The following GSG1L2 variants were observed in gnomAD, a reference collection of about 807,000 sequenced individuals.
The protein encoded by GSG1L2 is GSG1 like 2.
Under a neutral mutation model 9.0 loss-of-function variants are expected in GSG1L2, and 15 were observed. That is an observed-to-expected ratio of 1.67 (90% CI 1.12 to 2.57). The LOEUF is 2.57. Among genes scored for constraint, GSG1L2 ranks in the 30% most tolerant of loss-of-function variants. The pLI, the probability that GSG1L2 is intolerant of heterozygous loss-of-function variation, is 0.00. For synonymous variants in GSG1L2, 127 were observed against 57.9 expected (o/e 2.19, Z -5.41); for missense variants, 286 against 150.3 (o/e 1.90, Z -4.72).
chr17:9,816,471 CGT>C (rs1317683240), intron 1 of GSG1L2, among the ~76,000 whole-genome samples: 1 of 71,852 alleles, frequency 1.4e-5, no homozygotes, highest in Admixed American at 1.8e-4. Flanking sequence ...CGTCCGTGTG[CGT>C]GTCTGTGTGT....
rs73256735 is a variant in GSG1L2, at chr17:9,801,969, A to G, written c.*417T>C. 0.022 allele frequency among the ~76,000 whole-genome samples: 3,378 copies of G among 152,332 alleles called. 110 individuals are homozygous for G. Among genetic ancestry groups the G allele is most frequent in the African/African-American group, 0.064 (2,664 of 41,556 alleles). On this transcript the variant is annotated 3_prime_UTR_variant, in exon 5 of 5. Coordinates refer to ENST00000399363, the MANE Select transcript of GSG1L2 (RefSeq NM_001310219.2). The stretch of plus-strand genomic sequence containing the variant: ...TATTGTGTGTGTCAATTAGGAGAAA[A>G]CATTTTCTGGATTTTTCTGTCAACA...
chr17:9,808,720 T>C (rs1459282995), intron 3 of GSG1L2, 110 bp downstream of exon 3: 3 of 616,856 alleles, frequency 4.9e-6, no homozygotes, highest in South Asian at 1.9e-5. Flanking sequence ...CCTGCTTAAA[T>C]GGCCATTGAT....
At chr17:9,816,359 T>A (rs544118146) in intron 1 of GSG1L2, among the ~76,000 whole-genome samples, 1 of 108,412 alleles carries the variant, frequency 9.2e-6, no homozygotes, top group African/African-American at 3.4e-5. Flanking sequence ...CGTGCACGCG[T>A]ATGCGTGTGT....
At position 9,808,923 on chromosome 17, in the gene GSG1L2, C is replaced by A. The variant is rs1380973516; in HGVS notation, c.418G>T (p.Ala140Ser). The part of the protein sequence containing the change: ...VLDIVLILTS[A>S]ILLGSRVSCR... Reference sequence around the variant, plus strand: ...CTCACTCTGGAGCCCAGGAGGATGGCGCTTGTCAGTATCAGAACGATATCC... The same window carrying A: ...CTCACTCTGGAGCCCAGGAGGATGGAGCTTGTCAGTATCAGAACGATATCC... Residue 140 changes from alanine to serine, a missense_variant, in exon 3 of 5, where the codon GCC becomes TCC. Physicochemically the swap from Ala to Ser is moderately conservative, Grantham distance 99. Coordinates refer to ENST00000399363, the MANE Select transcript of GSG1L2 (RefSeq NM_001310219.2). 7.1e-6 allele frequency: 5 copies of A among 702,854 alleles called. No individual in the cohort carries two copies. Among genetic ancestry groups the A allele is most frequent in the Non-Finnish European group, 1.3e-5 (5 of 385,020 alleles). 43.5% of individuals were successfully genotyped at this position (702,854 alleles called of 1,614,324 possible).
chr17:9,806,888 C>A (rs2066518052), intron 4 of GSG1L2, among the ~76,000 whole-genome samples: 1 of 152,184 alleles, frequency 6.6e-6, no homozygotes, highest in African/African-American at 2.4e-5. Context: ...CATGCGTTCA[C>A]TGAATCCTAG....
intron 1 of GSG1L2, among the ~76,000 whole-genome samples, chr17:9,817,477 T>G (rs924735251): frequency 6.7e-6 from 1 of 148,618 alleles, no homozygotes; most frequent in South Asian, 2.1e-4. Flanking sequence ...CAGGCTGGAG[T>G]ACAGTGGTGC....
In GSG1L2 at chr17:9,802,559, C is replaced by T. The variant is rs973597034; in HGVS notation, c.709G>A (p.Glu237Lys). 8.5e-6 allele frequency: 6 copies of T among 702,740 alleles called. No homozygotes were observed. Among genetic ancestry groups the T allele is most frequent in the African/African-American group, 5.2e-5 (3 of 57,202 alleles). The allele number at this position is 702,740 out of a possible 1,614,324, so 43.5% of individuals were successfully genotyped here. ...RFTAARLEFTEKQQAQNGSRH... is the reference protein window; with the variant it reads ...RFTAARLEFTKKQQAQNGSRH... ...CTGCCGTTCTGTGCCTGCTGCTTCTCGGTGAATTCCAGGCGGGCTGCCGTG... is the reference window on the plus strand; with the variant it reads ...CTGCCGTTCTGTGCCTGCTGCTTCTTGGTGAATTCCAGGCGGGCTGCCGTG... Residue 237 changes from glutamate to lysine, a missense_variant, in exon 5 of 5, where the codon GAG (glutamate) becomes AAG (lysine). Physicochemically the swap from Glu to Lys is moderately conservative, Grantham distance 56 (BLOSUM62 1). Coordinates refer to ENST00000399363, the MANE Select transcript of GSG1L2 (RefSeq NM_001310219.2).
At chr17:9,807,824 G>A in intron 3 of GSG1L2, 2 of 483,372 alleles carry the variant, frequency 4.1e-6, no homozygotes, top group Non-Finnish European at 3.8e-6. Flanking sequence ...CAGAACCTGG[G>A]TAGGAGTCTC....
rs1004081740 is a variant in GSG1L2, at chr17:9,802,126, T to C, written c.*260A>G. ...GTATCCTTATCAAATTCACTGTCATTAAGAAGCTCTCTTTTATACTAGAGT... is the reference window on the plus strand; with the variant it reads ...GTATCCTTATCAAATTCACTGTCATCAAGAAGCTCTCTTTTATACTAGAGT... On this transcript the variant is annotated 3_prime_UTR_variant, in exon 5 of 5. Coordinates refer to ENST00000399363, the MANE Select transcript of GSG1L2 (RefSeq NM_001310219.2). 1.3e-5 allele frequency among the ~76,000 whole-genome samples: 2 copies of C among 152,230 alleles called. No homozygotes were observed. The highest frequency in any genetic ancestry group is 2.9e-5 in the Non-Finnish European group (2 of 68,030).
rs944268002 is a variant in GSG1L2, at chr17:9,820,277, A to C, written c.310+1485T>G. 6.6e-6 allele frequency among the ~76,000 whole-genome samples: 1 copy of C among 152,206 alleles called. No individual in the cohort carries two copies. The highest frequency in any genetic ancestry group is 1.5e-5 in the Non-Finnish European group (1 of 68,040). On this transcript the variant is annotated intron_variant, in intron 1 of 4. Transcript: ENST00000399363. The surrounding 1 kb of genome is among the most constrained non-coding windows in gnomAD (Gnocchi z 4.9). ...CTGTGGAAACAGAAGTACTATAGGC[A>C]GTCCTCATATGAGAACTTGGAAAGG...
In GSG1L2 at chr17:9,807,404, G is replaced by A. The variant is rs138330028; in HGVS notation, c.623+86C>T. 4,787 of 688,934 alleles carry A rather than the reference G, an allele frequency of 6.9e-3. 53 individuals are homozygous for A. The highest frequency in any genetic ancestry group is 0.042 in the Middle Eastern group (182 of 4,286). 42.7% of individuals were successfully genotyped at this position (688,934 alleles called of 1,614,324 possible). ...TGGCAGATGCCAGCACTATGACCAA[G>A]GTTGGTCATCCTACAAAACATGTGT... On this transcript the variant is annotated intron_variant, in intron 4 of 4. Coordinates refer to ENST00000399363, the MANE Select transcript of GSG1L2 (RefSeq NM_001310219.2).
chr17:9,813,947 T>G (rs2066549489), intron 1 of GSG1L2, among the ~76,000 whole-genome samples: 2 of 151,366 alleles, frequency 1.3e-5, no homozygotes, highest in African/African-American at 2.4e-5. Flanking sequence ...GTTTTTTCTG[T>G]TTTTTTTGAC....
chr17:9,811,015 G>A (rs966007645), intron 1 of GSG1L2: 3 of 194,428 alleles, frequency 1.5e-5, no homozygotes, highest in Non-Finnish European at 3.2e-5. Context: ...TACAGAATGA[G>A]CTAAAAATAA....
chr17:9,816,522 C>CTGTGTTTGTGTG (rs1491196761), intron 1 of GSG1L2, among the ~76,000 whole-genome samples: 3 of 140,664 alleles, frequency 2.1e-5, no homozygotes, highest in African/African-American at 2.7e-5. Flanking sequence ...GTGTGCGTGT[C>CTGTGTTTGTGTG]TGTGTCTCTG....
intron 1 of GSG1L2, among the ~76,000 whole-genome samples, chr17:9,811,808 C>A (rs144622503): frequency 6.6e-6 from 1 of 152,160 alleles, no homozygotes; most frequent in Non-Finnish European, 1.5e-5. Flanking sequence ...CCGGGCCCAG[C>A]GCTGTCCCGC....
rs745808782 is a variant in GSG1L2, at chr17:9,802,342, C to T, written c.*44G>A. ...AGGGTGTACATTGTGAGTGTCAGTG[C>T]CTGGCTTGTTTGCCTGTGCGGATGT... On this transcript the variant is annotated 3_prime_UTR_variant, in exon 5 of 5. Transcript: ENST00000399363. 35 of 615,610 alleles carry T rather than the reference C, an allele frequency of 5.7e-5. No homozygotes were observed. Among genetic ancestry groups the T allele is most frequent in the South Asian group, 4.6e-4 (25 of 54,918 alleles). The allele number at this position is 615,610 out of a possible 1,614,324, so 38.1% of individuals were successfully genotyped here.
rs2066501037 is a variant in GSG1L2, at chr17:9,802,526, A to C, written c.742T>G (p.Ser248Ala). The C allele has an allele frequency of 1.4e-6, 1 of 700,560 alleles. No individual in the cohort carries two copies. The highest frequency in any genetic ancestry group is 1.8e-5 in the African/African-American group (1 of 56,394). The allele number at this position is 700,560 out of a possible 1,614,324, so 43.4% of individuals were successfully genotyped here. Residue 248 changes from serine to alanine, a missense_variant, in exon 5 of 5, where the codon TCT (serine) becomes GCT (alanine). Coordinates refer to ENST00000399363, the MANE Select transcript of GSG1L2 (RefSeq NM_001310219.2). The stretch of plus-strand genomic sequence containing the variant: ...TCGGGTTCCAGGAAGCTGTGTTGAG[A>C]GTGCCGACTGCCGTTCTGTGCCTGC... ...KQQAQNGSRH[S>A]QHSFLEPEAS...
At chr17:9,816,856 C>CTATGTG (rs2066567997) in intron 1 of GSG1L2, among the ~76,000 whole-genome samples, 1 of 36,022 alleles carries the variant, frequency 2.8e-5, no homozygotes, top group Non-Finnish European at 4.8e-5. Context: ...TTCTGTGTAT[C>CTATGTG]TGTATGTGTG....
intron 1 of GSG1L2, among the ~76,000 whole-genome samples, chr17:9,814,474 C>T (rs1022820877): frequency 1.3e-5 from 2 of 151,972 alleles, no homozygotes; most frequent in African/African-American, 2.4e-5. Context: ...GGAATAGAGA[C>T]GAGGCCAGCA....
Sources: gnomAD v4.1 joint callset for allele counts (sites outside exome capture counted in the v4.1 genomes callset) on GRCh38, gnomAD v4.1.1 for gene constraint, Gnocchi (gnomAD v3.1) non-coding constraint, MANE v1.5 for transcripts, NCBI Gene and HGNC (gene_info 2026-07-23, HGNC 2026-07-21) for gene names.